Variants in AIG1 observed in about 807,000 individuals in gnomAD.
AIG1 encodes the protein androgen induced 1.
In AIG1, 23 loss-of-function variants were observed where a neutral mutation model predicts 31.4. The ratio of observed to expected loss-of-function variants is 0.73; its 90% CI spans 0.53 to 1.04. AIG1 has a LOEUF of 1.04. AIG1 is among the 50% of genes least tolerant of loss of function. AIG1 has a pLI of 0.00. For missense variants in AIG1, 274 were observed against 295.0 expected (o/e 0.93, Z 0.52); for synonymous variants, 100 against 110.5 (o/e 0.90, Z 0.60).
At chr6:143,140,849 C>T (rs1366538688) in intron 2 of AIG1, among the ~76,000 whole-genome samples, 1 of 152,202 alleles carries the variant, frequency 6.6e-6, no homozygotes, top group East Asian at 1.9e-4. Context: ...CTTAAGCACC[C>T]TCTCTGTGCC....
At chr6:143,316,622 C>T (rs562060400) in intron 4 of AIG1, among the ~76,000 whole-genome samples, 2 of 152,002 alleles carry the variant, frequency 1.3e-5, no homozygotes, top group East Asian at 1.9e-4. Flanking sequence ...CCAACCCAAA[C>T]CCGGCACAAG....
chr6:143,250,792 A>G (rs1048934725), intron 3 of AIG1, among the ~76,000 whole-genome samples: 2 of 152,198 alleles, frequency 1.3e-5, no homozygotes, highest in Non-Finnish European at 2.9e-5. Context: ...ACAAATTTGT[A>G]TGCTTTCTTA....
intron 1 of AIG1, among the ~76,000 whole-genome samples, chr6:143,110,136 G>T (rs945652664): frequency 6.6e-6 from 1 of 152,112 alleles, no homozygotes; most frequent in African/African-American, 2.4e-5. Context: ...GCAGTTGACC[G>T]TTTATGTGTG....
chr6:143,269,012 G>A (rs1796330722), intron 3 of AIG1, among the ~76,000 whole-genome samples: 1 of 152,326 alleles, frequency 6.6e-6, no homozygotes, highest in Non-Finnish European at 1.5e-5. Flanking sequence ...GAAGGGCAGG[G>A]CCTTCACAGC....
At chr6:143,192,828 A>C (rs990713990) in intron 3 of AIG1, among the ~76,000 whole-genome samples, 1 of 152,240 alleles carries the variant, frequency 6.6e-6, no homozygotes, top group Non-Finnish European at 1.5e-5. Flanking sequence ...TGAACATTCA[A>C]GTCCAAACAA....
chr6:143,166,804 C>G (rs111446171), intron 3 of AIG1, among the ~76,000 whole-genome samples: 4 of 152,070 alleles, frequency 2.6e-5, no homozygotes, highest in Non-Finnish European at 5.9e-5. Context: ...AAGGAATGAT[C>G]GCAATTACAA....
At chr6:143,317,556 CAG>C (rs1775864736) in intron 4 of AIG1, among the ~76,000 whole-genome samples, 1 of 152,036 alleles carries the variant, frequency 6.6e-6, no homozygotes. Flanking sequence ...TAATACCAAA[CAG>C]GGAAAAGTTG....
intron 3 of AIG1, among the ~76,000 whole-genome samples, chr6:143,228,275 T>C (rs1227471962): frequency 1.3e-5 from 2 of 152,228 alleles, no homozygotes; most frequent in Non-Finnish European, 2.9e-5. Context: ...GGCTGTATTT[T>C]GTTTTTTTCG....
intron 1 of AIG1, among the ~76,000 whole-genome samples, chr6:143,109,659 C>A (rs1458134836): frequency 6.6e-6 from 1 of 151,916 alleles, no homozygotes; most frequent in Non-Finnish European, 1.5e-5. Context: ...TATTTCCTTA[C>A]CTGCCATTTG....
intron 2 of AIG1, among the ~76,000 whole-genome samples, chr6:143,154,855 G>T (rs1785582664): frequency 6.6e-6 from 1 of 151,808 alleles, no homozygotes; most frequent in Non-Finnish European, 1.5e-5. Flanking sequence ...TTGTTGTTCT[G>T]TTTTGTTTTT....
chr6:143,275,739 G>A (rs1465077303), intron 3 of AIG1, among the ~76,000 whole-genome samples: 1 of 152,126 alleles, frequency 6.6e-6, no homozygotes, highest in Non-Finnish European at 1.5e-5. Context: ...AATCACTCTG[G>A]CCTTTGTGCC....
intron 3 of AIG1, among the ~76,000 whole-genome samples, chr6:143,229,176 A>T (rs1793241249): frequency 6.6e-6 from 1 of 152,250 alleles, no homozygotes; most frequent in African/African-American, 2.4e-5. Context: ...AATTTGAACA[A>T]AGCACATGAA....
chr6:143,178,830 G>A (rs557781121), intron 3 of AIG1, among the ~76,000 whole-genome samples: 80 of 152,326 alleles, frequency 5.3e-4, no homozygotes, highest in Non-Finnish European at 9.7e-4. Context: ...ATAAATGGGG[G>A]AGTAGGTCTC....
At chr6:143,079,779 CTTTTTTTTT>C (rs78637706) in intron 1 of AIG1, among the ~76,000 whole-genome samples, 3 of 106,972 alleles carry the variant, frequency 2.8e-5, no homozygotes, top group South Asian at 3.4e-4. Context: ...GGATAGATTC[CTTTTTTTTT>C]TTTTTTTTTT....
chr6:143,211,691 G>A (rs549735865), intron 3 of AIG1, among the ~76,000 whole-genome samples: 5 of 152,196 alleles, frequency 3.3e-5, no homozygotes, highest in East Asian at 1.9e-4. Context: ...TCAGGAGTTC[G>A]AGACCAGTCT....
intron 1 of AIG1, among the ~76,000 whole-genome samples, chr6:143,119,867 G>A (rs1019268957): frequency 6.6e-6 from 1 of 152,124 alleles, no homozygotes; most frequent in Non-Finnish European, 1.5e-5. Context: ...AGAGAAGTTG[G>A]ACTTTGTATA....
At position 143,156,382 on chromosome 6, in the gene AIG1, A is replaced by G. The variant is rs112185723; in HGVS notation, c.298-8700A>G. 2.6e-3 allele frequency among the ~76,000 whole-genome samples: 391 copies of G among 152,336 alleles called. 4 individuals carry two copies. Among genetic ancestry groups the G allele is most frequent in the African/African-American group, 9.0e-3 (373 of 41,570 alleles). The stretch of plus-strand genomic sequence containing the variant: ...TCAGAAGAATTGCAGAAGACTAGGT[A>G]TAGTATGACCTAATTTCATAGAATA... On this transcript the variant is annotated intron_variant, in intron 2 of 5. Transcript: ENST00000357847.
Position 143,176,034 on chromosome 6 carries a change from A to AG in AIG1, c.399+10856dup, listed in dbSNP as rs935889717. 6.2e-4 allele frequency among the ~76,000 whole-genome samples: 94 copies of AG among 152,222 alleles called. 1 individual carries two copies. Among genetic ancestry groups the AG allele is most frequent in the African/African-American group, 2.2e-3 (90 of 41,548 alleles). ...TGGTGCTGTACCCCTTCCCCTAAGG[A>AG]GGGGGCTTCCTGAGAATCGAACTGC... is the stretch of plus-strand genomic sequence containing the variant. On this transcript the variant is annotated intron_variant, in intron 3 of 5. Coordinates refer to ENST00000357847, the MANE Select transcript of AIG1 (RefSeq NM_016108.4).
chr6:143,120,234 C>T (rs1782127770), intron 1 of AIG1, among the ~76,000 whole-genome samples: 3 of 151,976 alleles, frequency 2.0e-5, no homozygotes, highest in African/African-American at 7.3e-5. Context: ...ACACCCAGCC[C>T]AATATTTCCT....
Sources: allele counts gnomAD v4.1 joint callset (sites outside exome capture counted in the v4.1 genomes callset), GRCh38; gene constraint gnomAD v4.1.1; transcripts MANE v1.5; gene names NCBI Gene and HGNC (gene_info 2026-07-23, HGNC 2026-07-21).